SMOC2: variants seen among roughly 807,000 people sequenced by gnomAD.
SMOC2 encodes the protein SPARC-related modular calcium-binding protein 2.
In SMOC2, 39 loss-of-function variants were observed where a neutral mutation model predicts 61.4. The observed-to-expected ratio is 0.64, with a 90% CI of 0.49 to 0.83. SMOC2 has a LOEUF of 0.83. Ranked by LOEUF, SMOC2 falls within the 40% of genes least tolerant of loss-of-function variation. The probability of loss-of-function intolerance (pLI) is 0.00; values close to 1 mark genes in which losing one functional copy is unlikely to be tolerated. For synonymous variants in SMOC2, 247 were observed against 239.9 expected (o/e 1.03, Z -0.27); for missense variants, 556 against 592.9 (o/e 0.94, Z 0.65).
In SMOC2 at chr6:168,601,133, C is replaced by T. The variant is rs74780481; in HGVS notation, c.824+2129C>T. On this transcript the variant is annotated intron_variant, in intron 8 of 12. Transcript: ENST00000356284. ...CCTAAACTGTTTTCCAAATTTGTCA[C>T]CAAGTGTCACCAGTAGACATTTGTG... Among the ~76,000 whole-genome samples, 1,340 of 152,340 alleles carry T rather than the reference C, an allele frequency of 8.8e-3. 16 individuals carry two copies. The highest frequency in any genetic ancestry group is 0.031 in the African/African-American group (1,296 of 41,578).
At chr6:168,622,051 C>T (rs1309381344) in intron 9 of SMOC2, among the ~76,000 whole-genome samples, 6 of 152,082 alleles carry the variant, frequency 3.9e-5, no homozygotes, top group Non-Finnish European at 8.8e-5. Context: ...CTGCAAGCTC[C>T]GCCTCCCGGG....
intron 7 of SMOC2, among the ~76,000 whole-genome samples, chr6:168,580,754 G>A (rs573863286): frequency 6.6e-6 from 1 of 152,064 alleles, no homozygotes; most frequent in Admixed American, 6.5e-5. Flanking sequence ...TGTTGCCCAG[G>A]CTGGTCTCAA....
At chr6:168,560,505 T>G (rs200538603) in intron 7 of SMOC2, among the ~76,000 whole-genome samples, 1 of 124,618 alleles carries the variant, frequency 8.0e-6, no homozygotes, top group African/African-American at 3.2e-5. Flanking sequence ...CCCTGAGATG[T>G]GAGGCTCTCA....
intron 9 of SMOC2, among the ~76,000 whole-genome samples, chr6:168,617,738 A>C (rs1786131466): frequency 6.6e-6 from 1 of 152,176 alleles, no homozygotes; most frequent in East Asian, 1.9e-4. Context: ...GCTTCCCATC[A>C]TCAGGGTCTC....
intron 10 of SMOC2, 89 bp from the exon 11 acceptor site, chr6:168,652,865 C>T: frequency 8.0e-7 from 1 of 1,243,998 alleles, no homozygotes; most frequent in Non-Finnish European, 1.1e-6. Context: ...GAACTACAAG[C>T]AGGGGTTATG....
rs1221458667 is a variant in SMOC2 at position 168,544,884 on chromosome 6, G to T, written c.511+1212G>T. On this transcript the variant is annotated intron_variant, in intron 5 of 12. Coordinates refer to ENST00000356284, the MANE Select transcript of SMOC2 (RefSeq NM_001166412.2). The surrounding 1 kb of genome is among the most constrained non-coding windows in gnomAD (Gnocchi z 4.1). ...TGTCCAGAGGGTGCCTACCAAGGAT[G>T]AGGCAGGACTGGCTTCCTGGAAGGG... Among the ~76,000 whole-genome samples, 1 of 152,148 alleles carries T rather than the reference G, an allele frequency of 6.6e-6. No homozygotes were observed. The highest frequency in any genetic ancestry group is 1.9e-4 in the East Asian group (1 of 5,184).
rs374818672 is a variant in SMOC2, at chr6:168,599,964, A to ACACT, written c.824+963_824+964insTCAC. Among the ~76,000 whole-genome samples, 717 of 149,198 alleles carry ACACT rather than the reference A, an allele frequency of 4.8e-3. 6 individuals are homozygous for ACACT. The highest frequency in any genetic ancestry group is 0.017 in the African/African-American group (685 of 40,494). Reference sequence around the variant, plus strand: ...CACACTCACACATCCACACTCACACACACATACTCTCCCCACACACACACT... The same window carrying ACACT: ...CACACTCACACATCCACACTCACACACACTCACATACTCTCCCCACACACACACT... On this transcript the variant is annotated intron_variant, in intron 8 of 12. Coordinates refer to ENST00000356284, the MANE Select transcript of SMOC2 (RefSeq NM_001166412.2).
At chr6:168,473,552 C>T (rs1264878279) in intron 1 of SMOC2, among the ~76,000 whole-genome samples, 4 of 152,106 alleles carry the variant, frequency 2.6e-5, no homozygotes, top group East Asian at 1.9e-4. Context: ...CTACCTGAAA[C>T]GTCTCCAGGT....
intron 4 of SMOC2, among the ~76,000 whole-genome samples, chr6:168,533,629 G>A (rs1783662554): frequency 1.3e-5 from 2 of 152,186 alleles, no homozygotes; most frequent in African/African-American, 4.8e-5. Flanking sequence ...GGGCCAGTGT[G>A]CAGTGGCTTG....
chr6:168,660,302 G>A (rs1460817922), intron 11 of SMOC2, among the ~76,000 whole-genome samples: 1 of 152,148 alleles, frequency 6.6e-6, no homozygotes, highest in Non-Finnish European at 1.5e-5. Context: ...CAACTGTTGT[G>A]AGCCGCATAT....
chr6:168,659,622 GT>G (rs1787435208), intron 11 of SMOC2, among the ~76,000 whole-genome samples: 2 of 77,456 alleles, frequency 2.6e-5, no homozygotes, highest in African/African-American at 4.9e-5. Context: ...TGTAGGCTGA[GT>G]GAGGGTGGAG....
chr6:168,599,888 C>T (rs1197920399), intron 8 of SMOC2, among the ~76,000 whole-genome samples: 1 of 148,582 alleles, frequency 6.7e-6, no homozygotes, highest in Non-Finnish European at 1.5e-5. Context: ...ACTAACTCCC[C>T]CGACACATCC....
chr6:168,476,750 T>G (rs1477020419), intron 1 of SMOC2, among the ~76,000 whole-genome samples: 1 of 152,130 alleles, frequency 6.6e-6, no homozygotes, highest in Non-Finnish European at 1.5e-5. Context: ...GAGAACAACA[T>G]TGTACATAAT....
At chr6:168,581,884 C>G (rs1053547619) in intron 7 of SMOC2, among the ~76,000 whole-genome samples, 6 of 152,188 alleles carry the variant, frequency 3.9e-5, no homozygotes, top group African/African-American at 1.4e-4. Flanking sequence ...CCGCTGACTT[C>G]AGCGTCTCCT....
intron 9 of SMOC2, among the ~76,000 whole-genome samples, chr6:168,644,681 G>T (rs894215415): frequency 4.0e-5 from 5 of 124,918 alleles, no homozygotes; most frequent in Non-Finnish European, 7.8e-5. Context: ...ACAGAGTCTC[G>T]CTCTGTCTCC....
intron 9 of SMOC2, among the ~76,000 whole-genome samples, chr6:168,631,594 G>A (rs1323266749): frequency 1.3e-5 from 2 of 152,314 alleles, no homozygotes; most frequent in East Asian, 1.9e-4. Context: ...CTAACAGTAC[G>A]TGCTTGGGAA....
At chr6:168,541,941 TAC>T (rs1318193414) in intron 4 of SMOC2, among the ~76,000 whole-genome samples, 1 of 152,210 alleles carries the variant, frequency 6.6e-6, no homozygotes, top group Non-Finnish European at 1.5e-5. Context: ...TTGCAGTCTG[TAC>T]TGTTCTGTCT....
At chr6:168,516,192 C>G (rs955389168) in intron 2 of SMOC2, among the ~76,000 whole-genome samples, 2 of 152,200 alleles carry the variant, frequency 1.3e-5, no homozygotes, top group Non-Finnish European at 2.9e-5. Context: ...ACACAGTGAT[C>G]TAGCCATTGA....
At chr6:168,556,736 T>TC (rs1268313262) in intron 7 of SMOC2, among the ~76,000 whole-genome samples, 2 of 69,090 alleles carry the variant, frequency 2.9e-5, no homozygotes, top group East Asian at 1.0e-3. Flanking sequence ...ATGCTATCCC[T>TC]CCCCCCTCCC....
Sources: gnomAD v4.1 joint callset for allele counts (sites outside exome capture counted in the v4.1 genomes callset) on GRCh38, gnomAD v4.1.1 for gene constraint, Gnocchi (gnomAD v3.1) non-coding constraint, MANE v1.5 for transcripts, NCBI Gene and HGNC (gene_info 2026-07-23, HGNC 2026-07-21) for gene names.